Variants in STK32C observed in about 807,000 individuals in gnomAD.
STK32C encodes serine/threonine kinase 32C.
In STK32C, 31 loss-of-function variants were observed where a neutral mutation model predicts 56.5. The ratio of observed to expected loss-of-function variants is 0.55; its 90% CI spans 0.41 to 0.74. STK32C has a LOEUF of 0.74. Ranked by LOEUF, STK32C falls within the 30% of genes least tolerant of loss-of-function variation. The pLI is 0.00. For missense variants in STK32C, 544 were observed against 676.9 expected, an observed-to-expected ratio of 0.80 and a Z score of 2.18; for synonymous variants, 309 against 289.4, an observed-to-expected ratio of 1.07 and a Z score of -0.69.
exon 2 of STK32C, chr10:132,324,166 C>A: frequency 4.0e-6 from 3 of 756,154 alleles, no homozygotes; most frequent in Non-Finnish European, 7.4e-6. Context: ...GGGGATGAGT[C>A]TGAGTCTCCC....
chr10:132,223,148 G>A (rs1011244035), intron 8 of STK32C, among the ~76,000 whole-genome samples, 162 bp from the exon 9 acceptor site: 16 of 152,344 alleles, frequency 1.1e-4, no homozygotes, highest in Admixed American at 4.6e-4. Context: ...GCCGACGGCC[G>A]ACATCAGGCA....
At chr10:132,227,849 G>A in intron 3 of STK32C, 128 bp downstream of exon 3, 3 of 1,192,728 alleles carry the variant, frequency 2.5e-6, no homozygotes, top group Non-Finnish European at 3.5e-6. Context: ...GCTAGAGAGG[G>A]CCTGTGGGTG....
chr10:132,315,667 A>T (rs1049061458), intron 1 of STK32C, among the ~76,000 whole-genome samples: 1 of 152,240 alleles, frequency 6.6e-6, no homozygotes, highest in Non-Finnish European at 1.5e-5. Context: ...AGGTACACAC[A>T]TACGCAATTA....
At chr10:132,240,744 A>G (rs907467811) in intron 2 of STK32C, among the ~76,000 whole-genome samples, 2 of 151,704 alleles carry the variant, frequency 1.3e-5, no homozygotes, top group Non-Finnish European at 2.9e-5. Flanking sequence ...AGGGGTGCGC[A>G]GGGCAGGGCG....
At position 132,226,854 on chromosome 10, in the gene STK32C, C is replaced by T. The variant is rs754625696; in HGVS notation, c.585G>A (p.Leu195=). Residue 195 remains leucine (L), a synonymous_variant, in exon 4 of 12, where the codon CTG becomes CTA. Transcript: ENST00000298630. ...NVQFSEDTVR[L]YICEMALALD... The stretch of plus-strand genomic sequence containing the variant: ...GAGCCAGTGCCATCTCGCAGATGTA[C>T]AGCCTCACCGTGTCCTCGGAGAACT... 2.5e-6 allele frequency: 4 copies of T among 1,613,418 alleles called. No individual in the cohort carries two copies. The Admixed American group carries it at 6.7e-5, about 27-fold the overall frequency.
chr10:132,207,943 AT>A lies in STK32C; in HGVS notation c.*66del. 1 of 1,259,832 alleles carries A rather than the reference AT, an allele frequency of 7.9e-7. No homozygotes were observed. Among genetic ancestry groups the A allele is most frequent in the Non-Finnish European group, 1.0e-6 (1 of 996,414 alleles). The allele number at this position is 1,259,832 out of a possible 1,614,324, so 78.0% of individuals were successfully genotyped here. A position where few individuals can be genotyped will look rare whatever the true frequency, so the allele number is the denominator to read the frequency against. On this transcript the variant is annotated 3_prime_UTR_variant, in exon 12 of 12. Transcript: ENST00000298630. ...GAACGTGAATGCCAGGCCTCGGCCC[AT>A]GGCCCTCCCTCTGGCAGCCGAGTCT...
intron 2 of STK32C, among the ~76,000 whole-genome samples, chr10:132,237,171 T>C (rs1256928129): frequency 2.6e-5 from 4 of 151,800 alleles, no homozygotes; most frequent in Non-Finnish European, 5.9e-5. Context: ...GGGCTCCCAC[T>C]CCCTGACTGT....
At chr10:132,290,969 C>G (rs918485255) in intron 1 of STK32C, among the ~76,000 whole-genome samples, 2 of 152,338 alleles carry the variant, frequency 1.3e-5, no homozygotes, top group Non-Finnish European at 2.9e-5. Flanking sequence ...CACAGCCAGT[C>G]TTCCACCGGC....
chr10:132,260,327 CA>C (rs2138061022), intron 1 of STK32C, among the ~76,000 whole-genome samples: 1 of 152,144 alleles, frequency 6.6e-6, no homozygotes. Context: ...GGCTTGGAGA[CA>C]AGGACACGGC....
chr10:132,230,680 G>GGC (rs1554977790), intron 2 of STK32C, among the ~76,000 whole-genome samples: 2 of 70,626 alleles, frequency 2.8e-5, no homozygotes, highest in African/African-American at 1.5e-4. Flanking sequence ...GGAAGCTGGC[G>GGC]GGGGGGGGGG....
At chr10:132,303,571 G>A (rs1817828851) in intron 1 of STK32C, among the ~76,000 whole-genome samples, 1 of 152,190 alleles carries the variant, frequency 6.6e-6, no homozygotes, top group Non-Finnish European at 1.5e-5. Context: ...ACCTGCGGCT[G>A]CCATCCCACA....
chr10:132,325,199 C>T (rs7908634), intron 1 of STK32C, among the ~76,000 whole-genome samples: 42,027 of 151,898 alleles, frequency 0.28, 6,158 homozygotes, highest in East Asian at 0.37. Context: ...GGGGACAAGT[C>T]TTTCCCATGT....
chr10:132,266,410 G>A (rs903368031), intron 1 of STK32C, among the ~76,000 whole-genome samples: 4 of 152,148 alleles, frequency 2.6e-5, no homozygotes, highest in Non-Finnish European at 5.9e-5. Flanking sequence ...TTACACAGGT[G>A]TGCCCATCTG....
intron 1 of STK32C, among the ~76,000 whole-genome samples, chr10:132,265,434 C>T (rs2064485320): frequency 6.6e-6 from 1 of 152,190 alleles, no homozygotes; most frequent in South Asian, 2.1e-4. Context: ...GAAGCGACCA[C>T]CAGAGCTGCA....
chr10:132,277,160 T>C (rs576291641), intron 1 of STK32C, among the ~76,000 whole-genome samples: 35 of 152,268 alleles, frequency 2.3e-4, no homozygotes, highest in African/African-American at 7.5e-4. Context: ...TGCCTTCCCA[T>C]GGATGCACAA....
chr10:132,224,383 G>A (rs1181323876), intron 8 of STK32C, 24 bp downstream of exon 8: 1 of 1,523,054 alleles, frequency 6.6e-7, no homozygotes, highest in Admixed American at 2.0e-5. Context: ...CGGAGGGTGA[G>A]GAGGCTCAGG....
intron 1 of STK32C, among the ~76,000 whole-genome samples, chr10:132,292,516 C>T (rs1590413628): frequency 6.6e-6 from 1 of 152,216 alleles, no homozygotes; most frequent in African/African-American, 2.4e-5. Flanking sequence ...CACACATAAA[C>T]ACATGCATAC....
At chr10:132,237,423 G>A (rs1202100129) in intron 2 of STK32C, among the ~76,000 whole-genome samples, 1 of 152,276 alleles carries the variant, frequency 6.6e-6, no homozygotes, top group Non-Finnish European at 1.5e-5. Context: ...AATCAGTCAT[G>A]AGGGAAACAG....
At chr10:132,303,107 A>G (rs1008172385) in intron 1 of STK32C, among the ~76,000 whole-genome samples, 4 of 152,258 alleles carry the variant, frequency 2.6e-5, no homozygotes, top group Admixed American at 1.3e-4. Flanking sequence ...CCAGTCCCAC[A>G]GGCCGGGAGC....
Sources: allele counts gnomAD v4.1 joint callset (sites outside exome capture counted in the v4.1 genomes callset), GRCh38; gene constraint gnomAD v4.1.1; transcripts MANE v1.5; gene names NCBI Gene and HGNC (gene_info 2026-07-23, HGNC 2026-07-21).